EXOC4: variants seen among roughly 807,000 people sequenced by gnomAD.
The protein encoded by EXOC4 is exocyst complex component 4, also known as SEC8-like 1.
Under a neutral mutation model 107.2 loss-of-function variants are expected in EXOC4, and 71 were observed. The ratio of observed to expected loss-of-function variants is 0.66; its 90% confidence interval spans 0.55 to 0.81. The LOEUF (loss-of-function observed/expected upper bound fraction) is 0.81, where lower values mean the gene tolerates loss of function less well. Ranked by LOEUF, EXOC4 falls within the 30% of genes least tolerant of loss-of-function variation. The probability of loss-of-function intolerance (pLI) is 0.00; values close to 1 mark genes in which losing one functional copy is unlikely to be tolerated. For synonymous variants in EXOC4, 456 were observed against 441.2 expected (o/e 1.03, Z -0.42); for missense variants, 1,108 against 1,189.6 (o/e 0.93, Z 1.01).
chr7:133,514,575 A>G (rs1477109806), intron 9 of EXOC4, among the ~76,000 whole-genome samples: 1 of 152,238 alleles, frequency 6.6e-6, no homozygotes, highest in Non-Finnish European at 1.5e-5. Flanking sequence ...GCTTTTGAGC[A>G]GCATTAGATA....
chr7:133,269,844 G>A (rs374708817), intron 1 of EXOC4, among the ~76,000 whole-genome samples: 9 of 152,118 alleles, frequency 5.9e-5, no homozygotes, highest in African/African-American at 1.9e-4. Flanking sequence ...GCCATTAAGA[G>A]CCATATGGCC....
At chr7:133,941,583 ACCAC>A (rs1177697591) in intron 14 of EXOC4, among the ~76,000 whole-genome samples, 1 of 152,146 alleles carries the variant, frequency 6.6e-6, no homozygotes. Flanking sequence ...CACCAAAGGT[ACCAC>A]TCTTGCATTT....
intron 5 of EXOC4, among the ~76,000 whole-genome samples, chr7:133,348,493 C>T (rs1418682006): frequency 1.3e-5 from 2 of 152,170 alleles, no homozygotes; most frequent in African/African-American, 2.4e-5. Flanking sequence ...ACTCTTGTGG[C>T]AGGTAGCTGC....
intron 11 of EXOC4, among the ~76,000 whole-genome samples, chr7:133,847,467 C>A (rs1464762077): frequency 2.0e-5 from 3 of 151,256 alleles, no homozygotes; most frequent in African/African-American, 7.3e-5. Flanking sequence ...CAACTTCCAC[C>A]TCCTGGGTTC....
intron 10 of EXOC4, among the ~76,000 whole-genome samples, chr7:133,690,769 G>A (rs1794401814): frequency 1.3e-5 from 2 of 152,088 alleles, no homozygotes; most frequent in Admixed American, 1.3e-4. Flanking sequence ...GTAGTCTCAG[G>A]GTCTTGTATC....
chr7:133,436,422 A>G (rs1385407924), intron 7 of EXOC4, among the ~76,000 whole-genome samples: 1 of 151,900 alleles, frequency 6.6e-6, no homozygotes, highest in Non-Finnish European at 1.5e-5. Flanking sequence ...GATGAAACTA[A>G]CTTCCTTTCC....
chr7:134,062,398 A>G (rs1585363939), intron 17 of EXOC4, among the ~76,000 whole-genome samples: 1 of 152,292 alleles, frequency 6.6e-6, no homozygotes, highest in East Asian at 1.9e-4. Flanking sequence ...TGGAGCTCCT[A>G]GAATGTATTT....
At chr7:133,747,418 T>A (rs1348093116) in intron 10 of EXOC4, among the ~76,000 whole-genome samples, 1 of 152,186 alleles carries the variant, frequency 6.6e-6, no homozygotes, top group Non-Finnish European at 1.5e-5. Flanking sequence ...GTGGTAGTAC[T>A]GTTGGGGATG....
chr7:134,013,061 T>G (rs1794808705), intron 17 of EXOC4, among the ~76,000 whole-genome samples: 1 of 152,224 alleles, frequency 6.6e-6, no homozygotes, highest in African/African-American at 2.4e-5. Flanking sequence ...ACGCTTCAAA[T>G]GTATATATTT....
At chr7:133,536,427 C>G (rs1800270912) in intron 9 of EXOC4, among the ~76,000 whole-genome samples, 1 of 152,130 alleles carries the variant, frequency 6.6e-6, no homozygotes, top group African/African-American at 2.4e-5. Flanking sequence ...TGACCATGCT[C>G]TGATCATACA....
chr7:133,479,872 C>T (rs371810304), intron 8 of EXOC4, among the ~76,000 whole-genome samples, 178 bp from the exon 9 acceptor site: 2 of 152,224 alleles, frequency 1.3e-5, no homozygotes, highest in African/African-American at 2.4e-5. Flanking sequence ...GAATATCGCT[C>T]ATAAATCAAG....
intron 7 of EXOC4, among the ~76,000 whole-genome samples, chr7:133,473,609 A>C (rs1798935068): frequency 6.6e-6 from 1 of 151,876 alleles, no homozygotes; most frequent in Admixed American, 6.6e-5. Flanking sequence ...TGTGTTTTCC[A>C]TTTGTATGGA....
At chr7:134,014,859 G>A (rs1794865519) in intron 17 of EXOC4, among the ~76,000 whole-genome samples, 1 of 152,112 alleles carries the variant, frequency 6.6e-6, no homozygotes, top group Non-Finnish European at 1.5e-5. Context: ...AGGAAATGAG[G>A]AGCCAAAGTT....
chr7:134,074,165 G>T, the EXOC4 span, among the ~76,000 whole-genome samples: 2 of 152,166 alleles, frequency 1.3e-5, no homozygotes, highest in African/African-American at 2.4e-5. Flanking sequence ...AGGTTGGGCA[G>T]TTCTCTCCTC....
chr7:133,990,870 A>G (rs1212594743), intron 14 of EXOC4, among the ~76,000 whole-genome samples: 6 of 152,176 alleles, frequency 3.9e-5, no homozygotes, highest in Non-Finnish European at 1.5e-5. Flanking sequence ...GGCTATGGTG[A>G]ATAGTGCTGC....
chr7:133,937,751 A>G (rs1020516402), intron 13 of EXOC4, 140 bp from the exon 14 acceptor site: 1 of 759,174 alleles, frequency 1.3e-6, no homozygotes, highest in African/African-American at 1.7e-5. Flanking sequence ...GTTGTCTCAC[A>G]AAGTTAAACC....
At chr7:133,383,389 A>T (rs530924860) in intron 7 of EXOC4, among the ~76,000 whole-genome samples, 1 of 152,318 alleles carries the variant, frequency 6.6e-6, no homozygotes, top group Admixed American at 6.5e-5. Context: ...GGTTCTGATT[A>T]TACTGTTTAC....
chr7:133,479,423 C>T (rs941750426), intron 8 of EXOC4: 2 of 152,148 alleles, frequency 1.3e-5, no homozygotes, highest in South Asian at 2.1e-4. Flanking sequence ...ACAAATATTG[C>T]GTAGCTTGGT....
intron 10 of EXOC4, among the ~76,000 whole-genome samples, chr7:133,781,770 G>A (rs568691911): frequency 5.3e-5 from 8 of 152,166 alleles, no homozygotes; most frequent in African/African-American, 1.9e-4. Context: ...GTGGTAGGGG[G>A]CTCAGACCCT....
Sources: gnomAD v4.1 joint callset for allele counts (sites outside exome capture counted in the v4.1 genomes callset) on GRCh38, gnomAD v4.1.1 for gene constraint, MANE v1.5 for transcripts, NCBI Gene and HGNC (gene_info 2026-07-23, HGNC 2026-07-21) for gene names.